TNFSF4: variants seen among roughly 807,000 people sequenced by gnomAD.
TNFSF4 encodes the protein tumor necrosis factor ligand superfamily member 4.
A neutral mutation model predicts 7.3 loss-of-function variants in TNFSF4; 4 were observed. That is an observed-to-expected ratio of 0.55 (90% confidence interval 0.27 to 1.25). TNFSF4 has a LOEUF of 1.25. TNFSF4 is among the 50% of genes most tolerant of loss of function. The pLI, the probability that TNFSF4 is intolerant of heterozygous loss-of-function variation, is 0.12. For missense variants in TNFSF4, 181 were observed against 208.8 expected (o/e 0.87, Z 0.82); for synonymous variants, 76 against 83.7 (o/e 0.91, Z 0.50).
At chr1:173,295,119 A>ACT in the TNFSF4 span, among the ~76,000 whole-genome samples, 3 of 151,956 alleles carry the variant, frequency 2.0e-5, no homozygotes, top group Admixed American at 2.0e-4. Flanking sequence ...TAGATGAGCA[A>ACT]CTCTCATACA....
At chr1:173,419,137 A>C in the TNFSF4 span, among the ~76,000 whole-genome samples, 1 of 152,156 alleles carries the variant, frequency 6.6e-6, no homozygotes, top group Non-Finnish European at 1.5e-5. Context: ...CAGGAGATCG[A>C]GACCATCCTG....
At chr1:173,197,743 G>T (rs1298300148) in intron 1 of TNFSF4, among the ~76,000 whole-genome samples, 1 of 152,120 alleles carries the variant, frequency 6.6e-6, no homozygotes, top group Non-Finnish European at 1.5e-5. Context: ...TAACACCTAG[G>T]TGATGGTTTG....
At chr1:173,312,710 C>T in the TNFSF4 span, among the ~76,000 whole-genome samples, 6 of 152,018 alleles carry the variant, frequency 3.9e-5, no homozygotes, top group Non-Finnish European at 7.4e-5. Flanking sequence ...TTAAGTCTGT[C>T]ATATGGAGAA....
chr1:173,417,450 A>C, the TNFSF4 span, among the ~76,000 whole-genome samples: 1 of 152,206 alleles, frequency 6.6e-6, no homozygotes, highest in African/African-American at 2.4e-5. Flanking sequence ...TAGACCTATA[A>C]TTTTTTTAGG....
chr1:173,178,241 T>C, the TNFSF4 span, among the ~76,000 whole-genome samples: 1 of 152,186 alleles, frequency 6.6e-6, no homozygotes, highest in African/African-American at 2.4e-5. Context: ...ATAGATCCTT[T>C]AGGAAGGGCT....
chr1:173,400,895 G>A, the TNFSF4 span, among the ~76,000 whole-genome samples: 7 of 152,250 alleles, frequency 4.6e-5, no homozygotes, highest in East Asian at 3.9e-4. Context: ...AAGGCAATAC[G>A]AATAAGTAGT....
the TNFSF4 span, among the ~76,000 whole-genome samples, chr1:173,241,560 G>A: frequency 2.0e-5 from 3 of 152,212 alleles, no homozygotes; most frequent in African/African-American, 7.2e-5. Flanking sequence ...TAGTAAAGGA[G>A]AAAGTCTGCA....
the TNFSF4 span, among the ~76,000 whole-genome samples, chr1:173,287,788 G>A: frequency 1.3e-5 from 2 of 152,026 alleles, no homozygotes; most frequent in South Asian, 4.1e-4. Flanking sequence ...ATAATGCTGA[G>A]CAAAAAATAC....
chr1:173,220,312 GT>G, the TNFSF4 span, among the ~76,000 whole-genome samples: 1 of 152,098 alleles, frequency 6.6e-6, no homozygotes, highest in Non-Finnish European at 1.5e-5. Context: ...AAATTAACCT[GT>G]TTTAAACATA....
At chr1:173,251,919 A>T in the TNFSF4 span, among the ~76,000 whole-genome samples, 1 of 152,190 alleles carries the variant, frequency 6.6e-6, no homozygotes, top group Non-Finnish European at 1.5e-5. Context: ...GGAAAGAAAC[A>T]CAGGAACGTG....
chr1:173,224,568 G>A, the TNFSF4 span, among the ~76,000 whole-genome samples: 2 of 152,138 alleles, frequency 1.3e-5, no homozygotes, highest in Non-Finnish European at 2.9e-5. Flanking sequence ...CACTGCATGT[G>A]GTAACTCATT....
chr1:173,238,632 C>T, the TNFSF4 span, among the ~76,000 whole-genome samples: 38 of 150,796 alleles, frequency 2.5e-4, no homozygotes, highest in East Asian at 3.9e-3. Flanking sequence ...GACATACATG[C>T]GGCCAACAAA....
the TNFSF4 span, among the ~76,000 whole-genome samples, chr1:173,445,101 A>G: frequency 2.0e-5 from 3 of 152,212 alleles, no homozygotes; most frequent in Admixed American, 2.0e-4. Context: ...GAAGTGAAAA[A>G]AGAATATAAA....
chr1:173,340,357 CACACACACACAT>C, the TNFSF4 span, among the ~76,000 whole-genome samples: 3 of 151,664 alleles, frequency 2.0e-5, no homozygotes, highest in African/African-American at 7.3e-5. Context: ...CACACACACA[CACACACACACAT>C]ACCCTATTAG....
chr1:173,344,937 C>T, the TNFSF4 span, among the ~76,000 whole-genome samples: 1 of 152,178 alleles, frequency 6.6e-6, no homozygotes, highest in Non-Finnish European at 1.5e-5. Flanking sequence ...GTCCATGCAA[C>T]CTCTCTCATT....
the TNFSF4 span, among the ~76,000 whole-genome samples, chr1:173,346,036 G>A: frequency 6.6e-6 from 1 of 152,216 alleles, no homozygotes; most frequent in South Asian, 2.1e-4. Context: ...AGAGGGAATG[G>A]GTGGGACTAG....
chr1:173,373,116 C>A, the TNFSF4 span, among the ~76,000 whole-genome samples: 2 of 152,250 alleles, frequency 1.3e-5, no homozygotes, highest in African/African-American at 4.8e-5. Flanking sequence ...TCTAATCCTA[C>A]ATGCCCATGC....
At chr1:173,328,411 G>T in the TNFSF4 span, among the ~76,000 whole-genome samples, 1 of 151,630 alleles carries the variant, frequency 6.6e-6, no homozygotes, top group Non-Finnish European at 1.5e-5. Context: ...GCTAAATGAC[G>T]AGTTAATGGG....
At chr1:173,435,172 C>G in the TNFSF4 span, among the ~76,000 whole-genome samples, 1 of 152,140 alleles carries the variant, frequency 6.6e-6, no homozygotes, top group South Asian at 2.1e-4. Context: ...TCAAAAACCC[C>G]TATATAGATG....
Sources: allele counts gnomAD v4.1 joint callset (sites outside exome capture counted in the v4.1 genomes callset), GRCh38; gene constraint gnomAD v4.1.1; transcripts MANE v1.5; gene names NCBI Gene and HGNC (gene_info 2026-07-23, HGNC 2026-07-21).